The following PKD2L1 variants were observed in gnomAD, a reference collection of about 807,000 sequenced individuals.
The protein encoded by PKD2L1 is polycystin 2 like 1, transient receptor potential cation channel, also known as polycystin-2-like protein 1.
A neutral mutation model predicts 93.0 loss-of-function variants in PKD2L1; 77 were observed. The ratio of observed to expected loss-of-function variants is 0.83; its 90% CI spans 0.69 to 1.00. The LOEUF (loss-of-function observed/expected upper bound fraction) is 1.00, where lower values mean the gene tolerates loss of function less well. PKD2L1 is among the 50% of genes least tolerant of loss of function. PKD2L1 has a pLI of 0.00. For missense variants in PKD2L1, 977 were observed against 990.9 expected, an observed-to-expected ratio of 0.99 and a Z score of 0.19; for synonymous variants, 390 against 388.0, an observed-to-expected ratio of 1.01 and a Z score of -0.06.
intron 2 of PKD2L1, among the ~76,000 whole-genome samples, chr10:100,311,388 T>C (rs1848929520): frequency 6.6e-6 from 1 of 152,210 alleles, no homozygotes; most frequent in South Asian, 2.1e-4. Context: ...TCTGATCCCT[T>C]TTAGACATAG....
intron 2 of PKD2L1, among the ~76,000 whole-genome samples, chr10:100,328,540 C>A (rs979487026): frequency 6.6e-6 from 1 of 151,958 alleles, no homozygotes; most frequent in African/African-American, 2.4e-5. Context: ...ATAATAACTA[C>A]GTGAAGCCCA....
At chr10:100,301,303 T>C (rs888967852) in intron 2 of PKD2L1, among the ~76,000 whole-genome samples, 1 of 151,976 alleles carries the variant, frequency 6.6e-6, no homozygotes, top group African/African-American at 2.4e-5. Context: ...CTTAACAGGG[T>C]TCAAGAGCAG....
At chr10:100,311,624 C>T (rs1324303224) in intron 2 of PKD2L1, among the ~76,000 whole-genome samples, 1 of 152,166 alleles carries the variant, frequency 6.6e-6, no homozygotes, top group East Asian at 1.9e-4. Flanking sequence ...TCTCCTTTCC[C>T]AGGTGATTGC....
chr10:100,294,791 G>T, intron 8 of PKD2L1, 136 bp from the exon 9 acceptor site: 1 of 1,372,330 alleles, frequency 7.3e-7, no homozygotes, highest in Non-Finnish European at 1.0e-6. Flanking sequence ...GATTATTTAA[G>T]CACACACACC....
chr10:100,305,271 CTGG>C (rs1384510466), intron 2 of PKD2L1, among the ~76,000 whole-genome samples: 19 of 152,020 alleles, frequency 1.2e-4, no homozygotes. Context: ...GGCACCATAC[CTGG>C]CTAATTTTTT....
chr10:100,321,465 AAAAAG>A (rs138353625), intron 2 of PKD2L1, among the ~76,000 whole-genome samples: 7,958 of 148,606 alleles, frequency 0.054, 304 homozygotes, highest in Non-Finnish European at 0.085. Flanking sequence ...GTCTCAAAAA[AAAAAG>A]AAAAGAAAAG....
Position 100,288,582 on chromosome 10 carries a change from G to A in PKD2L1, c.2336-104C>T, listed in dbSNP as rs149028485. Reference sequence around the variant, plus strand: ...GGAAGTAGGAAGACATCTAGATACCGCCTACTCTCTTGGTTTCTACCTTTT... The same window carrying A: ...GGAAGTAGGAAGACATCTAGATACCACCTACTCTCTTGGTTTCTACCTTTT... On this transcript the variant is annotated intron_variant, in intron 15 of 15. Coordinates refer to ENST00000318222, the MANE Select transcript of PKD2L1 (RefSeq NM_016112.3). The A allele has an allele frequency of 9.0e-4, 679 of 754,550 alleles. 5 individuals are homozygous for A. The African/African-American group carries it at 0.01, about 12-fold the overall frequency. The allele number at this position is 754,550 out of a possible 1,614,324, so 46.7% of individuals were successfully genotyped here.
rs796107545 is a variant in PKD2L1 at position 100,297,283 on chromosome 10, C to A, written c.957-75G>T. 50 of 1,536,304 alleles carry A rather than the reference C, an allele frequency of 3.3e-5. No individual in the cohort carries two copies. The African/African-American group carries it at 6.3e-4, about 19-fold the overall frequency. Reference sequence around the variant, plus strand: ...CTCCTCCCACTTCCTCTCCTCTCCACCCCCACCACAGGGTAGGAGTTTAGG... The same window carrying A: ...CTCCTCCCACTTCCTCTCCTCTCCAACCCCACCACAGGGTAGGAGTTTAGG... On this transcript the variant is annotated intron_variant, in intron 5 of 15. Transcript: ENST00000318222.
Position 100,296,232 on chromosome 10 carries a change from C to T in PKD2L1, c.1246G>A (p.Gly416Arg), listed in dbSNP as rs1446026157. 3 of 1,610,576 alleles carry T rather than the reference C, an allele frequency of 1.9e-6. No individual in the cohort carries two copies. The highest frequency in any genetic ancestry group is 2.7e-5 in the African/African-American group (2 of 74,612). The stretch of plus-strand genomic sequence containing the variant: ...GTGTTTGGCTGCTGCAGGAGCTTCC[C>T]CATGAGCCGATTCACCTCGAGGGTT... ...FRTLEVNRLM[G>R]KLLQQPNTYA... The change falls in exon 7 of 16, where the codon GGG (glycine) becomes AGG (arginine). Residue 416 changes from glycine (G) to arginine (R), a missense_variant. Physicochemically the swap from Gly to Arg is moderately radical, Grantham distance 125. Coordinates refer to ENST00000318222, the MANE Select transcript of PKD2L1 (RefSeq NM_016112.3).
At chr10:100,321,826 A>G (rs1481070338) in intron 2 of PKD2L1, among the ~76,000 whole-genome samples, 1 of 63,656 alleles carries the variant, frequency 1.6e-5, no homozygotes, top group Non-Finnish European at 3.0e-5. Flanking sequence ...AAGGAAAGAA[A>G]GAAAGAAGGA....
At chr10:100,301,302 G>T (rs1050246517) in intron 2 of PKD2L1, among the ~76,000 whole-genome samples, 6 of 152,138 alleles carry the variant, frequency 3.9e-5, no homozygotes, top group African/African-American at 1.4e-4. Flanking sequence ...TCTTAACAGG[G>T]TTCAAGAGCA....
chr10:100,289,987 T>C (rs768770192), intron 14 of PKD2L1, 28 bp downstream of exon 14: 1 of 1,613,718 alleles, frequency 6.2e-7, no homozygotes, highest in Non-Finnish European at 8.5e-7. Flanking sequence ...TGTGAGGAAC[T>C]AGGAGGACCA....
At chr10:100,321,375 G>A (rs1457437223) in intron 2 of PKD2L1, among the ~76,000 whole-genome samples, 3 of 151,800 alleles carry the variant, frequency 2.0e-5, no homozygotes, top group Non-Finnish European at 4.4e-5. Flanking sequence ...CAGGAGAATT[G>A]CTTGAATCCA....
intron 2 of PKD2L1, among the ~76,000 whole-genome samples, chr10:100,310,951 G>A (rs372665937): frequency 2.6e-5 from 4 of 152,128 alleles, no homozygotes; most frequent in Non-Finnish European, 4.4e-5. Context: ...GGCTGGTCTC[G>A]AACTCCTGAG....
Position 100,291,392 on chromosome 10 carries a change from G to A in PKD2L1, c.1916C>T (p.Thr639Met), listed in dbSNP as rs758841353. ...TCTGTCAAACTTGGTGAAGGTGGCC[G>A]TGAGCTCAGTGATTTCATGCTCTGC... The part of the protein sequence containing the change: ...GHAEHEITEL[T>M]ATFTKFDRDG... Residue 639 changes from threonine to methionine, a missense_variant, in exon 12 of 16, where the codon ACG (threonine) becomes ATG (methionine). By Grantham distance (81) the Thr-to-Met change is moderately conservative (BLOSUM62 -1). Coordinates refer to ENST00000318222, the MANE Select transcript of PKD2L1 (RefSeq NM_016112.3). 4.6e-5 allele frequency: 75 copies of A among 1,613,792 alleles called. No homozygotes were observed. Among genetic ancestry groups the A allele is most frequent in the Non-Finnish European group, 5.2e-5 (61 of 1,179,842 alleles).
At chr10:100,293,124 GC>G in intron 10 of PKD2L1, 55 bp from the exon 11 acceptor site, 2 of 1,596,626 alleles carry the variant, frequency 1.3e-6, no homozygotes, top group Non-Finnish European at 8.5e-7. Context: ...CTCATCCCTG[GC>G]CCCCAGCCCC....
intron 2 of PKD2L1, 85 bp downstream of exon 2, chr10:100,329,126 T>C (rs1849443289): frequency 3.0e-6 from 4 of 1,312,106 alleles, no homozygotes; most frequent in Non-Finnish European, 3.2e-6. Flanking sequence ...GCTCCACAGA[T>C]GTTGCCCACA....
chr10:100,314,965 AGG>A lies in PKD2L1; in HGVS notation c.349+14244_349+14245del, dbSNP rs1849036308. The stretch of plus-strand genomic sequence containing the variant: ...CAGAAAAGAAAGAAAGAAAGAAAGA[AGG>A]AAGGAAGGAAGGAAGGAAGGAAGGA... On this transcript the variant is annotated intron_variant, in intron 2 of 15. Coordinates refer to ENST00000318222, the MANE Select transcript of PKD2L1 (RefSeq NM_016112.3). Among the ~76,000 whole-genome samples the A allele has an allele frequency of 2.0e-3, 61 of 30,462 alleles. 1 individual carries two copies. The highest frequency in any genetic ancestry group is 3.6e-3 in the Non-Finnish European group (51 of 14,256). 20.0% of individuals were successfully genotyped at this position (30,462 alleles called of 152,430 possible).
intron 2 of PKD2L1, among the ~76,000 whole-genome samples, chr10:100,302,093 C>T (rs1848692646): frequency 6.6e-6 from 1 of 152,160 alleles, no homozygotes; most frequent in African/African-American, 2.4e-5. Context: ...CTTTGGCCTC[C>T]CAAAGTGCTG....
Sources: gnomAD v4.1 joint callset for allele counts (sites outside exome capture counted in the v4.1 genomes callset) on GRCh38, gnomAD v4.1.1 for gene constraint, MANE v1.5 for transcripts, NCBI Gene and HGNC (gene_info 2026-07-23, HGNC 2026-07-21) for gene names.